Variants in PROKR1 observed in about 807,000 individuals in gnomAD.
PROKR1 encodes G protein-coupled receptor 73.
PROKR1 carries 21 observed loss-of-function variants against 22.8 expected under a neutral mutation model. The observed-to-expected ratio is 0.92, with a 90% CI of 0.65 to 1.32. The LOEUF (loss-of-function observed/expected upper bound fraction) is 1.32. PROKR1 is among the 40% of genes most tolerant of loss of function. PROKR1 has a pLI of 0.00. For missense variants in PROKR1, 548 were observed against 514.2 expected (o/e 1.07, Z -0.64); for synonymous variants, 193 against 207.5 (o/e 0.93, Z 0.60).
intron 2 of PROKR1, among the ~76,000 whole-genome samples, chr2:68,650,685 G>A (rs964757498): frequency 2.0e-5 from 3 of 152,108 alleles, no homozygotes; most frequent in Non-Finnish European, 2.9e-5. Context: ...ACCATCTAGA[G>A]TTGGGGGTAG....
At position 68,656,244 on chromosome 2, in the gene PROKR1, C is replaced by A; in HGVS notation, c.*668C>A. ...TGGCTTGGCGAAGAAGACACATAGA[C>A]CCTGGATGCCATTTGGACAGGGAAT... On this transcript the variant is annotated 3_prime_UTR_variant, in exon 3 of 3. Coordinates refer to ENST00000303786, the MANE Select transcript of PROKR1 (RefSeq NM_138964.4). The A allele has an allele frequency of 6.4e-6, 1 of 156,172 alleles. No homozygotes were observed. Among genetic ancestry groups the A allele is most frequent in the Non-Finnish European group, 1.4e-5 (1 of 70,598 alleles). 9.7% of individuals were successfully genotyped at this position (156,172 alleles called of 1,614,324 possible).
At chr2:68,647,403 A>G (rs923710313) in intron 2 of PROKR1, among the ~76,000 whole-genome samples, 1 of 152,180 alleles carries the variant, frequency 6.6e-6, no homozygotes, top group Admixed American at 6.5e-5. Flanking sequence ...GGATCAAATC[A>G]GGCTTCTGTG....
rs562058266 is a variant in PROKR1, at chr2:68,653,954, T to A, written c.486-926T>A. Among the ~76,000 whole-genome samples the A allele has an allele frequency of 1.4e-4, 21 of 152,112 alleles. No homozygotes were observed. The East Asian group carries it at 4.1e-3, about 29-fold the overall frequency. ...TTCACATCAATCCTGTGAGGTAGGG[T>A]TAAATGTTTTCTATCAAGGAAGGGT... On this transcript the variant is annotated intron_variant, in intron 2 of 2. Transcript: ENST00000303786.
chr2:68,649,957 T>C (rs368486533), intron 2 of PROKR1, among the ~76,000 whole-genome samples: 1 of 151,654 alleles, frequency 6.6e-6, no homozygotes, highest in African/African-American at 2.4e-5. Flanking sequence ...TCCACTCTCC[T>C]GCTTAAAAAC....
Position 68,645,920 on chromosome 2 carries a change from C to T in PROKR1, c.99C>T (p.Phe33=), listed in dbSNP as rs780826692. The T allele has an allele frequency of 6.2e-7, 1 of 1,614,234 alleles. No individual in the cohort carries two copies. Residue 33 remains phenylalanine (F), a synonymous_variant, in exon 2 of 3, where the codon TTC becomes TTT. Coordinates refer to ENST00000303786, the MANE Select transcript of PROKR1 (RefSeq NM_138964.4). ...LNPHGAHATS[F]PFNFSYSDYD... ...CTCATGGAGCCCATGCCACTTCCTT[C>T]CCATTCAACTTCAGCTACAGCGACT...
At chr2:68,648,704 C>T (rs952429727) in intron 2 of PROKR1, among the ~76,000 whole-genome samples, 2 of 152,168 alleles carry the variant, frequency 1.3e-5, no homozygotes, top group Non-Finnish European at 2.9e-5. Context: ...AGGATTTGAT[C>T]AGTTGGGAGC....
intron 2 of PROKR1, 60 bp downstream of exon 2, chr2:68,646,366 G>T: frequency 6.3e-7 from 1 of 1,596,742 alleles, no homozygotes; most frequent in Non-Finnish European, 8.6e-7. Context: ...CATTGGAATT[G>T]CCCCCTCCTG....
rs928318754 is a variant in PROKR1, at chr2:68,656,634, A to T, written c.*1058A>T. On this transcript the variant is annotated 3_prime_UTR_variant, in exon 3 of 3. Coordinates refer to ENST00000303786, the MANE Select transcript of PROKR1 (RefSeq NM_138964.4). ...CTTCATTCATTTTTCTGTTTTCACC[A>T]GCTCTCAAATGTGAGTGATGAAGAG... 2 of 152,196 alleles carry T rather than the reference A, an allele frequency of 1.3e-5. No individual in the cohort carries two copies. Among genetic ancestry groups the T allele is most frequent in the Non-Finnish European group, 2.9e-5 (2 of 68,034 alleles). The allele number at this position is 152,196 out of a possible 1,614,324, so 9.4% of individuals were successfully genotyped here.
At chr2:68,647,204 G>A (rs540159274) in intron 2 of PROKR1, among the ~76,000 whole-genome samples, 7 of 152,280 alleles carry the variant, frequency 4.6e-5, no homozygotes, top group Admixed American at 1.3e-4. Flanking sequence ...TCTGGTGATC[G>A]CAAATAAAAT....
rs1673424571 is a variant in PROKR1 at position 68,655,316 on chromosome 2, G to A, written c.922G>A (p.Asp308Asn). The A allele has an allele frequency of 3.7e-6, 6 of 1,614,190 alleles. No homozygotes were observed. The highest frequency in any genetic ancestry group is 5.1e-6 in the Non-Finnish European group (6 of 1,180,034). ...APFYGFTIVR[D>N]FFPTVFVKEK... ...CTTCTACGGCTTCACCATCGTGCGC[G>A]ACTTCTTCCCCACCGTGTTTGTGAA... The change falls in exon 3 of 3, where the codon GAC becomes AAC. Residue 308 changes from aspartate to asparagine, a missense_variant. Coordinates refer to ENST00000303786, the MANE Select transcript of PROKR1 (RefSeq NM_138964.4).
chr2:68,652,920 C>T (rs1473759781), intron 2 of PROKR1, among the ~76,000 whole-genome samples: 1 of 152,128 alleles, frequency 6.6e-6, no homozygotes, highest in African/African-American at 2.4e-5. Context: ...GTGTTTGAAG[C>T]ATCATAAAGG....
In PROKR1 at chr2:68,655,158, T is replaced by A; in HGVS notation, c.764T>A (p.Ile255Asn). Residue 255 changes from isoleucine to asparagine, a missense_variant, in exon 3 of 3, where the codon ATC (isoleucine) becomes AAC (asparagine). Transcript: ENST00000303786. ...VVTMTLCYAR[I>N]SRELWFKAVP... Reference sequence around the variant, plus strand: ...ACCATGACCCTGTGCTATGCCAGGATCTCCCGGGAGCTCTGGTTCAAGGCG... The same window carrying A: ...ACCATGACCCTGTGCTATGCCAGGAACTCCCGGGAGCTCTGGTTCAAGGCG... 4 of 1,614,218 alleles carry A rather than the reference T, an allele frequency of 2.5e-6. No individual in the cohort carries two copies. The highest frequency in any genetic ancestry group is 3.4e-6 in the Non-Finnish European group (4 of 1,180,040).
intron 2 of PROKR1, among the ~76,000 whole-genome samples, chr2:68,654,314 C>A (rs1673395576): frequency 1.3e-5 from 2 of 152,158 alleles, no homozygotes; most frequent in Admixed American, 1.3e-4. Context: ...TTTTGAGTAC[C>A]TATTAGGCTT....
chr2:68,655,043 T>C lies in PROKR1; in HGVS notation c.649T>C (p.Cys217Arg). The C allele has an allele frequency of 6.2e-7, 1 of 1,613,732 alleles. No individual in the cohort carries two copies. Among genetic ancestry groups the C allele is most frequent in the South Asian group, 1.1e-5 (1 of 91,076 alleles). The change falls in exon 3 of 3, where the codon TGC (cysteine) becomes CGC (arginine). Residue 217 changes from cysteine to arginine, a missense_variant. Transcript: ENST00000303786. Reference protein sequence around the residue: ...VIVKSQEKIFCGQIWPVDQQL... With the variant: ...VIVKSQEKIFRGQIWPVDQQL... ...TGTCAAGAGCCAGGAAAAGATCTTC[T>C]GCGGCCAGATCTGGCCTGTGGACCA...
At chr2:68,649,499 A>G (rs1673264612) in intron 2 of PROKR1, 2 of 152,194 alleles carry the variant, frequency 1.3e-5, no homozygotes, top group Non-Finnish European at 2.9e-5. Context: ...GACAGATGCT[A>G]TTGCAAGCAC....
rs1428793516 is a variant in PROKR1 at position 68,657,664 on chromosome 2, TAA to T, written c.*2089_*2090del. On this transcript the variant is annotated 3_prime_UTR_variant, in exon 3 of 3. Transcript: ENST00000303786. ...AGCGTGGACTTGTCTTTTTCTTATT[TAA>T]CTCTAGAGCAGCGCACTTACAAGGT... is the stretch of plus-strand genomic sequence containing the variant. 16 of 146,292 alleles carry T rather than the reference TAA, an allele frequency of 1.1e-4. No homozygotes were observed. The highest frequency in any genetic ancestry group is 4.0e-4 in the African/African-American group (15 of 37,668). The allele number at this position is 146,292 out of a possible 1,614,324, so 9.1% of individuals were successfully genotyped here.
At chr2:68,645,617 A>G in intron 1 of PROKR1, 45 bp from the exon 2 acceptor site, 2 of 716,120 alleles carry the variant, frequency 2.8e-6, no homozygotes, top group Non-Finnish European at 4.6e-6. Flanking sequence ...GAATTTGGCC[A>G]GCTTTACTGC....
intron 2 of PROKR1, among the ~76,000 whole-genome samples, chr2:68,648,891 C>T (rs916873231): frequency 1.3e-5 from 2 of 152,228 alleles, no homozygotes; most frequent in East Asian, 1.9e-4. Flanking sequence ...TCAGTTTTCT[C>T]GCCTACAAAA....
rs778350439 is a variant in PROKR1, at chr2:68,655,101, T to C, written c.707T>C (p.Ile236Thr). Residue 236 changes from isoleucine to threonine, a missense_variant, in exon 3 of 3, where the codon ATC becomes ACC. Coordinates refer to ENST00000303786, the MANE Select transcript of PROKR1 (RefSeq NM_138964.4). The stretch of plus-strand genomic sequence containing the variant: ...TACTACAAGTCCTACTTCCTCTTTA[T>C]CTTTGGCATAGAATTCGTGGGCCCC... ...QLYYKSYFLFIFGIEFVGPVV... is the reference protein window; with the variant it reads ...QLYYKSYFLFTFGIEFVGPVV... The C allele has an allele frequency of 1.2e-6, 2 of 1,614,070 alleles. No homozygotes were observed. The highest frequency in any genetic ancestry group is 2.2e-5 in the East Asian group (1 of 44,888).
Sources: allele counts gnomAD v4.1 joint callset (sites outside exome capture counted in the v4.1 genomes callset), GRCh38; gene constraint gnomAD v4.1.1; transcripts MANE v1.5; gene names NCBI Gene and HGNC (gene_info 2026-07-23, HGNC 2026-07-21).